NALF1: variants seen among roughly 807,000 people sequenced by gnomAD.
The protein encoded by NALF1 is family with sequence similarity 155 member A.
A neutral mutation model predicts 48.4 loss-of-function variants in NALF1; 3 were observed. That is an observed-to-expected ratio of 0.06 (90% CI 0.03 to 0.16). The LOEUF is 0.16. Among genes scored for constraint, NALF1 ranks in the 10% least tolerant of loss-of-function variants. The probability of loss-of-function intolerance (pLI) is 1.00; values close to 1 mark genes in which losing one functional copy is unlikely to be tolerated. For missense variants in NALF1, 526 were observed against 571.5 expected, an observed-to-expected ratio of 0.92 and a Z score of 0.81; for synonymous variants, 262 against 245.7, an observed-to-expected ratio of 1.07 and a Z score of -0.62.
intron 1 of NALF1, among the ~76,000 whole-genome samples, chr13:107,267,012 C>T (rs113482997): frequency 0.011 from 1,750 of 152,266 alleles, 33 homozygotes; most frequent in African/African-American, 0.039. Context: ...TTCATGTTCT[C>T]ATCTGTTTTG....
chr13:107,280,604 T>C (rs1177942252), intron 1 of NALF1, among the ~76,000 whole-genome samples: 1 of 152,236 alleles, frequency 6.6e-6, no homozygotes, highest in African/African-American at 2.4e-5. Flanking sequence ...TTATGTTTAA[T>C]GGCAAACTAT....
chr13:107,714,402 C>T (rs1411202109), intron 1 of NALF1, among the ~76,000 whole-genome samples: 1 of 152,038 alleles, frequency 6.6e-6, no homozygotes, highest in Non-Finnish European at 1.5e-5. Flanking sequence ...CGCAGTGGCT[C>T]ACGCCTATAA....
chr13:107,228,763 G>C (rs1164781588), intron 1 of NALF1, among the ~76,000 whole-genome samples: 3 of 152,108 alleles, frequency 2.0e-5, no homozygotes, highest in Non-Finnish European at 4.4e-5. Flanking sequence ...GGGATTAACA[G>C]GCATGCGCCA....
intron 1 of NALF1, among the ~76,000 whole-genome samples, chr13:107,714,668 CT>C (rs1875700374): frequency 7.0e-6 from 1 of 142,746 alleles, no homozygotes. Context: ...ACTTTTTAAT[CT>C]GAACAGAGCA....
chr13:107,758,501 C>A lies in NALF1; in HGVS notation c.915+107181G>T, dbSNP rs1478264365. On this transcript the variant is annotated intron_variant, in intron 1 of 2. Coordinates refer to ENST00000375915, the MANE Select transcript of NALF1 (RefSeq NM_001080396.3). ...CTTTGGGAGGCTGAGGCGGGCGGAT[C>A]ATGAGGTCAGGAGATAGAGACCATC... 2.6e-5 allele frequency among the ~76,000 whole-genome samples: 4 copies of A among 152,264 alleles called. No homozygotes were observed. The East Asian group carries it at 7.7e-4, about 29-fold the overall frequency.
chr13:107,654,041 A>T (rs1360898277), intron 1 of NALF1, among the ~76,000 whole-genome samples: 1 of 152,090 alleles, frequency 6.6e-6, no homozygotes, highest in Non-Finnish European at 1.5e-5. Context: ...TGAAGATCAG[A>T]GCAGAACTAA....
intron 1 of NALF1, among the ~76,000 whole-genome samples, chr13:107,459,053 G>A (rs930286666): frequency 6.6e-6 from 1 of 151,308 alleles, no homozygotes; most frequent in African/African-American, 2.4e-5. Context: ...AAAAAAAAAA[G>A]GTAAGCTGCA....
intron 1 of NALF1, among the ~76,000 whole-genome samples, chr13:107,400,732 C>A (rs1883790532): frequency 7.5e-6 from 1 of 133,906 alleles, no homozygotes; most frequent in African/African-American, 2.7e-5. Flanking sequence ...TAAAATAATG[C>A]AGACAAATTA....
At chr13:107,192,264 C>A (rs1000923091) in intron 2 of NALF1, among the ~76,000 whole-genome samples, 1 of 152,258 alleles carries the variant, frequency 6.6e-6, no homozygotes, top group Non-Finnish European at 1.5e-5. Context: ...GGGGGTCTGA[C>A]CCAAAGACCC....
At chr13:107,515,955 T>A (rs1045414120) in intron 1 of NALF1, among the ~76,000 whole-genome samples, 1 of 152,148 alleles carries the variant, frequency 6.6e-6, no homozygotes, top group African/African-American at 2.4e-5. Context: ...AAGAGGACAA[T>A]GAGTTGATGA....
chr13:107,593,526 C>T (rs1224252247), intron 1 of NALF1, among the ~76,000 whole-genome samples: 2 of 151,628 alleles, frequency 1.3e-5, no homozygotes, highest in Non-Finnish European at 2.9e-5. Flanking sequence ...CAGATTATAC[C>T]CCTAAATGAA....
intron 1 of NALF1, among the ~76,000 whole-genome samples, chr13:107,281,211 T>A (rs1272193015): frequency 6.6e-6 from 1 of 152,190 alleles, no homozygotes; most frequent in African/African-American, 2.4e-5. Context: ...GGACTCACAA[T>A]ATATTAGGGA....
At chr13:107,178,902 G>A (rs554595827) in intron 2 of NALF1, among the ~76,000 whole-genome samples, 4 of 151,644 alleles carry the variant, frequency 2.6e-5, no homozygotes, top group East Asian at 3.9e-4. Flanking sequence ...CCGCGATCCC[G>A]CCACTGCACT....
intron 2 of NALF1, among the ~76,000 whole-genome samples, chr13:107,182,205 A>G (rs1879077352): frequency 6.6e-6 from 1 of 150,464 alleles, no homozygotes; most frequent in African/African-American, 2.5e-5. Context: ...CAATATGAGC[A>G]TATTTATTTA....
At chr13:107,473,394 T>C (rs1386686161) in intron 1 of NALF1, among the ~76,000 whole-genome samples, 2 of 152,314 alleles carry the variant, frequency 1.3e-5, no homozygotes, top group East Asian at 1.9e-4. Context: ...CTCACTCTGA[T>C]TGTATTTCAT....
At chr13:107,626,015 A>G (rs1031463655) in intron 1 of NALF1, among the ~76,000 whole-genome samples, 1 of 152,094 alleles carries the variant, frequency 6.6e-6, no homozygotes, top group Non-Finnish European at 1.5e-5. Context: ...AGTATTCATG[A>G]TGTAGATTAT....
intron 1 of NALF1, among the ~76,000 whole-genome samples, chr13:107,706,991 C>T (rs556853505): frequency 2.4e-5 from 3 of 124,486 alleles, no homozygotes; most frequent in Admixed American, 1.0e-4. Flanking sequence ...GGCGTGATCT[C>T]GGCTCACTGC....
At chr13:107,248,273 A>G (rs898392361) in intron 1 of NALF1, among the ~76,000 whole-genome samples, 1 of 151,976 alleles carries the variant, frequency 6.6e-6, no homozygotes, top group African/African-American at 2.4e-5. Context: ...TTGGAAGGAA[A>G]TTTTAGGCAA....
intron 1 of NALF1, among the ~76,000 whole-genome samples, chr13:107,285,807 G>C (rs1881481996): frequency 1.3e-5 from 2 of 152,010 alleles, no homozygotes; most frequent in Admixed American, 6.6e-5. Flanking sequence ...GGCTGAGAGA[G>C]AGTCAAAGAT....
Sources: gnomAD v4.1 joint callset for allele counts (sites outside exome capture counted in the v4.1 genomes callset) on GRCh38, gnomAD v4.1.1 for gene constraint, MANE v1.5 for transcripts, NCBI Gene and HGNC (gene_info 2026-07-23, HGNC 2026-07-21) for gene names.